Variants in TRAPPC9 observed in about 807,000 individuals in gnomAD.
TRAPPC9 encodes IKK2 binding protein.
In TRAPPC9, 83 loss-of-function variants were observed where a neutral mutation model predicts 124.0. The observed-to-expected ratio is 0.67, with a 90% CI of 0.56 to 0.80. The LOEUF is 0.80. Ranked by LOEUF, TRAPPC9 falls within the 30% of genes least tolerant of loss-of-function variation. The pLI is 0.00. For synonymous variants in TRAPPC9, 638 were observed against 617.5 expected, an observed-to-expected ratio of 1.03 and a Z score of -0.49; for missense variants, 1,302 against 1,508.3, an observed-to-expected ratio of 0.86 and a Z score of 2.27.
chr8:139,784,248 A>G (rs1356683603), intron 21 of TRAPPC9, among the ~76,000 whole-genome samples: 2 of 152,218 alleles, frequency 1.3e-5, no homozygotes, highest in Non-Finnish European at 2.9e-5. Context: ...AGCCACTAGA[A>G]TAAGTAGGCT....
chr8:139,782,388 A>G (rs1328110945), intron 21 of TRAPPC9, among the ~76,000 whole-genome samples: 1 of 152,174 alleles, frequency 6.6e-6, no homozygotes, highest in Admixed American at 6.5e-5. Flanking sequence ...AAAAGGGGGG[A>G]AAAAGGTATA....
intron 20 of TRAPPC9, among the ~76,000 whole-genome samples, chr8:139,898,622 T>A (rs904924624): frequency 6.6e-6 from 1 of 152,088 alleles, no homozygotes; most frequent in Non-Finnish European, 1.5e-5. Context: ...CCACAAAGAT[T>A]ACACAGCACA....
intron 1 of TRAPPC9, among the ~76,000 whole-genome samples, chr8:140,452,972 C>T (rs1201380240): frequency 6.6e-6 from 1 of 152,184 alleles, no homozygotes; most frequent in Non-Finnish European, 1.5e-5. Context: ...GTTGTGATAA[C>T]ATACTGTGGT....
At chr8:140,396,069 C>A (rs908416285) in intron 7 of TRAPPC9, among the ~76,000 whole-genome samples, 3 of 151,892 alleles carry the variant, frequency 2.0e-5, no homozygotes, top group Non-Finnish European at 4.4e-5. Context: ...CTGCAATGGG[C>A]CCCCTCCCTT....
intron 5 of TRAPPC9, among the ~76,000 whole-genome samples, chr8:140,425,753 G>A (rs138028661): frequency 6.6e-6 from 1 of 152,122 alleles, no homozygotes; most frequent in African/African-American, 2.4e-5. Context: ...CTCTTCAGTG[G>A]CATAAAGTCT....
chr8:140,291,687 T>C (rs1306006168), intron 11 of TRAPPC9, among the ~76,000 whole-genome samples: 2 of 152,216 alleles, frequency 1.3e-5, no homozygotes, highest in African/African-American at 4.8e-5. Flanking sequence ...GCAGATGTGA[T>C]TGAGGACCCC....
intron 17 of TRAPPC9, among the ~76,000 whole-genome samples, chr8:140,051,009 C>T (rs1049408971): frequency 6.6e-6 from 1 of 152,228 alleles, no homozygotes; most frequent in Non-Finnish European, 1.5e-5. Flanking sequence ...CTTCAACTGC[C>T]ATTAAGACAC....
At position 140,287,656 on chromosome 8, in the gene TRAPPC9, C is replaced by T. The variant is rs767885800; in HGVS notation, c.1933G>A (p.Val645Met). Residue 645 changes from valine (V) to methionine (M), a missense_variant, in exon 13 of 23, where the codon GTG becomes ATG. Transcript: ENST00000438773. ...GTCTGCGGGACCCCGACGAGCGTCA[C>T]TGGGTACAGACCAGATTCAGCCGGA... ...SLPAESGLYP[V>M]TLVGVPQTTG... 1 of 1,614,202 alleles carries T rather than the reference C, an allele frequency of 6.2e-7. No homozygotes were observed. The highest frequency in any genetic ancestry group is 8.5e-7 in the Non-Finnish European group (1 of 1,180,026).
chr8:140,239,606 C>T (rs1026395055), intron 16 of TRAPPC9, among the ~76,000 whole-genome samples: 25 of 152,146 alleles, frequency 1.6e-4, no homozygotes, highest in African/African-American at 1.4e-4. Flanking sequence ...TCCTCACGGC[C>T]GTGGAGGGGA....
chr8:139,788,744 C>T lies in TRAPPC9; in HGVS notation c.3056-56542G>A, dbSNP rs544677190. ...GGGCGCAGGCTGAGCACAAGGTCCACAGCCCTCCCTTGACACAAAGTCAAC... is the reference window on the plus strand; with the variant it reads ...GGGCGCAGGCTGAGCACAAGGTCCATAGCCCTCCCTTGACACAAAGTCAAC... On this transcript the variant is annotated intron_variant, in intron 21 of 22. Transcript: ENST00000438773. The surrounding 1 kb of genome is among the most constrained non-coding windows in gnomAD (Gnocchi z 4.9). Among the ~76,000 whole-genome samples the T allele has an allele frequency of 1.3e-5, 2 of 152,354 alleles. No individual in the cohort carries two copies. Among genetic ancestry groups the T allele is most frequent in the Admixed American group, 6.5e-5 (1 of 15,312 alleles).
At chr8:139,932,757 G>A (rs982159616) in intron 19 of TRAPPC9, 6 of 344,306 alleles carry the variant, frequency 1.7e-5, no homozygotes, top group South Asian at 6.7e-5. Context: ...GAATGAGACT[G>A]TGTCTTCAAA....
intron 6 of TRAPPC9, among the ~76,000 whole-genome samples, chr8:140,398,719 A>G (rs1362034900): frequency 1.3e-5 from 2 of 152,228 alleles, no homozygotes; most frequent in Non-Finnish European, 2.9e-5. Context: ...AAACAGCATA[A>G]AAGTTTGAAA....
intron 21 of TRAPPC9, among the ~76,000 whole-genome samples, chr8:139,804,713 A>C (rs983787407): frequency 4.3e-5 from 3 of 70,060 alleles, no homozygotes; most frequent in African/African-American, 6.2e-5. Flanking sequence ...ACCACCACCC[A>C]CCACCGGCAC....
intron 17 of TRAPPC9, among the ~76,000 whole-genome samples, chr8:140,218,789 G>A (rs1031340806): frequency 1.8e-4 from 27 of 151,940 alleles, no homozygotes; most frequent in African/African-American, 5.8e-4. Flanking sequence ...GTGAAACCCC[G>A]TCTCTGCTAA....
chr8:139,785,165 T>G (rs985755259), intron 21 of TRAPPC9, among the ~76,000 whole-genome samples: 1 of 152,188 alleles, frequency 6.6e-6, no homozygotes, highest in African/African-American at 2.4e-5. Context: ...GCAAAGGCAA[T>G]TCAGTCAAGA....
At chr8:139,737,316 A>C (rs1462249296) in intron 21 of TRAPPC9, among the ~76,000 whole-genome samples, 1 of 152,110 alleles carries the variant, frequency 6.6e-6, no homozygotes. Flanking sequence ...GAGCCCTAGA[A>C]CCGGGACCCA....
At chr8:139,804,479 A>ACTC (rs2130704031) in intron 21 of TRAPPC9, among the ~76,000 whole-genome samples, 4 of 119,042 alleles carry the variant, frequency 3.4e-5, no homozygotes, top group Non-Finnish European at 3.5e-5. Flanking sequence ...CACCACCACC[A>ACTC]AACACCACCA....
In TRAPPC9 at chr8:140,403,958, T is replaced by C. The variant is rs574710618; in HGVS notation, c.1008+1619A>G. Among the ~76,000 whole-genome samples the C allele has an allele frequency of 2.0e-5, 3 of 151,898 alleles. No homozygotes were observed. In the South Asian group the frequency reaches 6.2e-4, roughly 32 times the overall value. ...CTGGCGGGCGTGAGCCACTGTACCATGCCAAAAAAAACATATACTCTTTAA... is the reference window on the plus strand; with the variant it reads ...CTGGCGGGCGTGAGCCACTGTACCACGCCAAAAAAAACATATACTCTTTAA... On this transcript the variant is annotated intron_variant, in intron 6 of 22. Coordinates refer to ENST00000438773, the MANE Select transcript of TRAPPC9 (RefSeq NM_001160372.4).
intron 6 of TRAPPC9, among the ~76,000 whole-genome samples, chr8:140,403,215 G>A (rs1484138701): frequency 6.6e-6 from 1 of 152,128 alleles, no homozygotes; most frequent in African/African-American, 2.4e-5. Context: ...GATCACTTGA[G>A]GTCAGGAGTT....
Sources: gnomAD v4.1 joint callset for allele counts (sites outside exome capture counted in the v4.1 genomes callset) on GRCh38, gnomAD v4.1.1 for gene constraint, Gnocchi (gnomAD v3.1) non-coding constraint, MANE v1.5 for transcripts, NCBI Gene and HGNC (gene_info 2026-07-23, HGNC 2026-07-21) for gene names.